PPFIBP2: variants seen among roughly 807,000 people sequenced by gnomAD.
PPFIBP2 encodes the protein PPFIB scaffold protein 2.
Under a neutral mutation model 118.3 loss-of-function variants are expected in PPFIBP2, and 118 were observed. The observed-to-expected ratio is 1.00, with a 90% CI of 0.86 to 1.16. The LOEUF is 1.16. PPFIBP2 is among the 50% of genes most tolerant of loss of function. The pLI, the probability that PPFIBP2 is intolerant of heterozygous loss-of-function variation, is 0.00. For synonymous variants in PPFIBP2, 414 were observed against 397.4 expected (o/e 1.04, Z -0.50); for missense variants, 1,195 against 1,073.1 (o/e 1.11, Z -1.59).
At chr11:7,522,049 G>A (rs1314600586) in intron 1 of PPFIBP2, among the ~76,000 whole-genome samples, 2 of 152,174 alleles carry the variant, frequency 1.3e-5, no homozygotes, top group Non-Finnish European at 2.9e-5. Flanking sequence ...AAAAGACGTG[G>A]TAAAACTGTT....
At chr11:7,520,251 T>TC (rs1336645373) in intron 1 of PPFIBP2, among the ~76,000 whole-genome samples, 2 of 152,174 alleles carry the variant, frequency 1.3e-5, no homozygotes, top group African/African-American at 4.8e-5. Context: ...AGTGTCTCAG[T>TC]TTGAGGTAGC....
chr11:7,579,760 T>G (rs923352523), intron 3 of PPFIBP2, among the ~76,000 whole-genome samples: 7 of 152,164 alleles, frequency 4.6e-5, no homozygotes, highest in Admixed American at 4.6e-4. Context: ...AGGGAAACTT[T>G]AAGCAAGGAG....
At chr11:7,582,071 C>G (rs1011723837) in intron 3 of PPFIBP2, among the ~76,000 whole-genome samples, 2 of 152,276 alleles carry the variant, frequency 1.3e-5, no homozygotes, top group Admixed American at 6.5e-5. Flanking sequence ...CTCCTGATCT[C>G]AGATGATGCG....
At chr11:7,638,451 TG>T (rs1851720690) in intron 14 of PPFIBP2, among the ~76,000 whole-genome samples, 1 of 152,226 alleles carries the variant, frequency 6.6e-6, no homozygotes, top group African/African-American at 2.4e-5. Flanking sequence ...GAACTATTTA[TG>T]GGGAGTTAAT....
intron 3 of PPFIBP2, among the ~76,000 whole-genome samples, chr11:7,568,595 C>T (rs909437879): frequency 1.3e-5 from 2 of 152,298 alleles, no homozygotes; most frequent in East Asian, 3.9e-4. Context: ...ATTGGCACTT[C>T]CACCTGCCAT....
chr11:7,651,368 T>G (rs7940649), intron 22 of PPFIBP2: 14,460 of 391,132 alleles, frequency 0.037, 1,198 homozygotes, highest in African/African-American at 0.21. Context: ...GGAAGTGTGG[T>G]GGCTTGGATG....
Position 7,641,575 on chromosome 11 carries a change from C to G in PPFIBP2, c.1472C>G (p.Pro491Arg). Residue 491 changes from proline (P) to arginine (R), a missense_variant, in exon 16 of 24, where the codon CCA becomes CGA. Coordinates refer to ENST00000299492, the MANE Select transcript of PPFIBP2 (RefSeq NM_003621.5). The part of the protein sequence containing the change: ...TESGPQSPLT[P>R]DGKRNPKGIK... Reference sequence around the variant, plus strand: ...TCAGGTCCTCAGTCTCCTCTGACACCAGATGGTAAACGGAATCCCAAAGGC... The same window carrying G: ...TCAGGTCCTCAGTCTCCTCTGACACGAGATGGTAAACGGAATCCCAAAGGC... 1 of 1,614,044 alleles carries G rather than the reference C, an allele frequency of 6.2e-7. No individual in the cohort carries two copies. Among genetic ancestry groups the G allele is most frequent in the Non-Finnish European group, 8.5e-7 (1 of 1,179,862 alleles).
intron 11 of PPFIBP2, chr11:7,632,308 C>T (rs1232555032): frequency 1.3e-5 from 2 of 153,166 alleles, no homozygotes; most frequent in African/African-American, 2.4e-5. Flanking sequence ...GTGTTGGAGC[C>T]ATAAGAGCAT....
intron 2 of PPFIBP2, among the ~76,000 whole-genome samples, chr11:7,554,805 A>ACTGGACTG (rs775146154): frequency 3.5e-4 from 53 of 151,754 alleles, no homozygotes; most frequent in African/African-American, 1.3e-3. Context: ...AGACTAGACT[A>ACTGGACTG]GACTAGACTA....
At chr11:7,591,375 T>G (rs148218972) in intron 3 of PPFIBP2, among the ~76,000 whole-genome samples, 294 of 151,730 alleles carry the variant, frequency 1.9e-3, no homozygotes, top group African/African-American at 6.8e-3. Context: ...CTTGGACACC[T>G]GGGTCCTGTT....
At position 7,607,023 on chromosome 11, in the gene PPFIBP2, G is replaced by T. The variant is rs552395524; in HGVS notation, c.487-3268G>T. 8.8e-4 allele frequency among the ~76,000 whole-genome samples: 123 copies of T among 140,076 alleles called. 1 individual carries two copies. The highest frequency in any genetic ancestry group is 3.1e-3 in the African/African-American group (115 of 37,362). 91.9% of individuals were successfully genotyped at this position (140,076 alleles called of 152,430 possible). On this transcript the variant is annotated intron_variant, in intron 5 of 23. Coordinates refer to ENST00000299492, the MANE Select transcript of PPFIBP2 (RefSeq NM_003621.5). ...CCTCCCAGGTTCACGCCATTCTCCT[G>T]CCTCAGCCTCCCCAGTAGCTGGGAC... is the stretch of plus-strand genomic sequence containing the variant.
intron 6 of PPFIBP2, 27 bp downstream of exon 6, chr11:7,610,449 G>C: frequency 6.2e-7 from 1 of 1,606,620 alleles, no homozygotes; most frequent in Non-Finnish European, 8.5e-7. Context: ...ACTGTCCTAA[G>C]CTCAGACCTG....
At chr11:7,658,093 C>T (rs867551577), downstream of PPFIBP2, among the ~76,000 whole-genome samples, 3 of 152,314 alleles carry the variant, frequency 2.0e-5, no homozygotes, top group South Asian at 4.1e-4. Context: ...AAGACTCTGC[C>T]AAAGGTTACA....
chr11:7,653,678 G>T lies in PPFIBP2; in HGVS notation c.*460G>T. ...ATGAGCAACAGGGACTTCTGCCACA[G>T]TGACAATGGAATTGTGTTGTGCCTT... On this transcript the variant is annotated 3_prime_UTR_variant, in exon 24 of 24. Coordinates refer to ENST00000299492, the MANE Select transcript of PPFIBP2 (RefSeq NM_003621.5). 1 of 1,289,238 alleles carries T rather than the reference G, an allele frequency of 7.8e-7. No homozygotes were observed. Among genetic ancestry groups the T allele is most frequent in the Non-Finnish European group, 1.0e-6 (1 of 989,246 alleles). 79.9% of individuals were successfully genotyped at this position (1,289,238 alleles called of 1,614,324 possible).
chr11:7,609,455 T>C (rs770108901), intron 5 of PPFIBP2, among the ~76,000 whole-genome samples: 1 of 152,244 alleles, frequency 6.6e-6, no homozygotes, highest in Non-Finnish European at 1.5e-5. Flanking sequence ...CCCTGGACTT[T>C]AGGAAATGCT....
At position 7,610,368 on chromosome 11, in the gene PPFIBP2, G is replaced by A. The variant is rs139119935; in HGVS notation, c.564G>A (p.Leu188=). 2 of 1,614,074 alleles carry A rather than the reference G, an allele frequency of 1.2e-6. No homozygotes were observed. Among genetic ancestry groups the A allele is most frequent in the Non-Finnish European group, 1.7e-6 (2 of 1,180,050 alleles). The part of the protein sequence containing the change: ...MTEVSELKLK[L]VGMEKEQREQ... ...AAGTGTCTGAGCTGAAGCTCAAGCT[G>A]GTTGGCATGGAGAAGGAGCAGAGAG... The change falls in exon 6 of 24, where the codon CTG becomes CTA. Residue 188 remains leucine (L), a synonymous_variant. Transcript: ENST00000299492.
At chr11:7,550,368 A>G (rs1233406410) in intron 2 of PPFIBP2, among the ~76,000 whole-genome samples, 2 of 152,220 alleles carry the variant, frequency 1.3e-5, no homozygotes, top group Non-Finnish European at 2.9e-5. Flanking sequence ...GCTAGACCCC[A>G]GGAAGTACAC....
intron 1 of PPFIBP2, among the ~76,000 whole-genome samples, chr11:7,535,476 T>G (rs754374499): frequency 5.3e-5 from 8 of 152,194 alleles, no homozygotes; most frequent in Non-Finnish European, 1.0e-4. Flanking sequence ...AATTCAAATC[T>G]TATCTTTACT....
chr11:7,519,104 A>G (rs1404042398), intron 1 of PPFIBP2, among the ~76,000 whole-genome samples: 1 of 152,026 alleles, frequency 6.6e-6, no homozygotes, highest in African/African-American at 2.4e-5. Flanking sequence ...GACTGGGAAG[A>G]TGGTGGCTGG....
Sources: allele counts gnomAD v4.1 joint callset (sites outside exome capture counted in the v4.1 genomes callset), GRCh38; gene constraint gnomAD v4.1.1; transcripts MANE v1.5; gene names NCBI Gene and HGNC (gene_info 2026-07-23, HGNC 2026-07-21).